The following ADGRL2 variants were observed in gnomAD, a reference collection of about 807,000 sequenced individuals.
ADGRL2 encodes adhesion G protein-coupled receptor L2.
A neutral mutation model predicts 157.4 loss-of-function variants in ADGRL2; 44 were observed. The ratio of observed to expected loss-of-function variants is 0.28; its 90% CI spans 0.22 to 0.36. The LOEUF is 0.36. ADGRL2 is among the 10% of genes least tolerant of loss of function. ADGRL2 has a pLI of 1.00. For synonymous variants in ADGRL2, 585 were observed against 624.7 expected (o/e 0.94, Z 0.95); for missense variants, 1,510 against 1,768.9 (o/e 0.85, Z 2.63).
At chr1:81,391,512 A>G (rs1385529680) in intron 1 of ADGRL2, among the ~76,000 whole-genome samples, 2 of 152,392 alleles carry the variant, frequency 1.3e-5, no homozygotes, top group African/African-American at 2.4e-5. Context: ...TTTTCCAATC[A>G]TTTCCTATCT....
chr1:81,736,408 C>T (rs954490781), intron 1 of ADGRL2, among the ~76,000 whole-genome samples: 3 of 152,156 alleles, frequency 2.0e-5, no homozygotes, highest in Non-Finnish European at 4.4e-5. Context: ...GTATCTTTCT[C>T]TTCTAACCAT....
intron 2 of ADGRL2, among the ~76,000 whole-genome samples, chr1:81,790,660 C>T (rs1382515284): frequency 6.6e-6 from 1 of 152,150 alleles, no homozygotes; most frequent in Admixed American, 6.6e-5. Context: ...TTATAGGAAT[C>T]TAACTCTCAT....
chr1:81,415,305 C>T (rs547148971), intron 1 of ADGRL2, among the ~76,000 whole-genome samples: 2 of 152,308 alleles, frequency 1.3e-5, no homozygotes, highest in South Asian at 4.1e-4. Context: ...GCCAAATACC[C>T]TTATCTACTC....
intron 3 of ADGRL2, among the ~76,000 whole-genome samples, chr1:81,630,182 C>T (rs2081986399): frequency 6.6e-6 from 1 of 151,872 alleles, no homozygotes; most frequent in African/African-American, 2.4e-5. Flanking sequence ...CAGGGGACAC[C>T]TGTAAGGCAG....
chr1:81,343,299 A>G (rs1022895516), intron 1 of ADGRL2, among the ~76,000 whole-genome samples: 6 of 151,908 alleles, frequency 3.9e-5, no homozygotes, highest in Non-Finnish European at 8.8e-5. Flanking sequence ...CATGTTGGCA[A>G]GACTGGTCTT....
intron 16 of ADGRL2, 22 bp from the exon 17 acceptor site, chr1:81,971,830 T>C (rs751653706): frequency 6.9e-7 from 1 of 1,444,688 alleles, no homozygotes. Context: ...TACTAATGCA[T>C]ATTCTTCTCT....
intron 2 of ADGRL2, among the ~76,000 whole-genome samples, chr1:81,529,948 G>A (rs2079558842): frequency 6.6e-6 from 1 of 152,194 alleles, no homozygotes; most frequent in Admixed American, 6.5e-5. Context: ...TTTTAGGGCA[G>A]GAGGAAGAGA....
At chr1:81,840,532 A>G (rs1270637720) in intron 2 of ADGRL2, among the ~76,000 whole-genome samples, 3 of 152,164 alleles carry the variant, frequency 2.0e-5, no homozygotes, top group Non-Finnish European at 4.4e-5. Flanking sequence ...GGGGCAAATC[A>G]CTAAGCATTT....
chr1:81,412,113 A>T (rs2076955925), intron 1 of ADGRL2, among the ~76,000 whole-genome samples: 3 of 152,168 alleles, frequency 2.0e-5, no homozygotes, highest in Admixed American at 2.0e-4. Flanking sequence ...ACTATAAGAT[A>T]TACAGTTACT....
At chr1:81,689,960 C>G (rs955648350) in intron 3 of ADGRL2, among the ~76,000 whole-genome samples, 1 of 152,192 alleles carries the variant, frequency 6.6e-6, no homozygotes, top group African/African-American at 2.4e-5. Context: ...GGAACTCAGA[C>G]TCTGTTACTA....
chr1:81,597,009 A>G (rs981491236), intron 3 of ADGRL2, among the ~76,000 whole-genome samples: 7 of 152,212 alleles, frequency 4.6e-5, no homozygotes, highest in African/African-American at 1.7e-4. Context: ...ATTCTACCAA[A>G]TAAGTATTTA....
At chr1:81,567,422 T>A (rs142523972) in intron 2 of ADGRL2, among the ~76,000 whole-genome samples, 7 of 152,218 alleles carry the variant, frequency 4.6e-5, no homozygotes, top group Non-Finnish European at 8.8e-5. Flanking sequence ...CCCATTTGTG[T>A]GTCCCTATGT....
chr1:81,918,503 A>T (rs1322310728), intron 3 of ADGRL2, among the ~76,000 whole-genome samples: 1 of 152,146 alleles, frequency 6.6e-6, no homozygotes, highest in Non-Finnish European at 1.5e-5. Flanking sequence ...GCACATGACA[A>T]GGGTAGTACT....
chr1:81,894,145 G>A (rs2094331076), intron 2 of ADGRL2, among the ~76,000 whole-genome samples: 1 of 152,120 alleles, frequency 6.6e-6, no homozygotes, highest in African/African-American at 2.4e-5. Flanking sequence ...TCTCCAACTT[G>A]TATTGTTAGT....
In ADGRL2 at chr1:81,739,190, C is replaced by T. The variant is rs952462302; in HGVS notation, c.-142-22621C>T. Among the ~76,000 whole-genome samples, 9 of 152,200 alleles carry T rather than the reference C, an allele frequency of 5.9e-5. No individual in the cohort carries two copies. The East Asian group carries it at 9.6e-4, about 16-fold the overall frequency. On this transcript the variant is annotated intron_variant, in intron 1 of 20. Transcript: ENST00000359929. Reference sequence around the variant, plus strand: ...AATTAAGTCAGTTATCCTAGGACAACTTTAGTTGCTAAGATGCAGTCTCTG... The same window carrying T: ...AATTAAGTCAGTTATCCTAGGACAATTTTAGTTGCTAAGATGCAGTCTCTG...
intron 2 of ADGRL2, among the ~76,000 whole-genome samples, chr1:81,887,723 T>G (rs1341162393): frequency 6.6e-6 from 1 of 152,162 alleles, no homozygotes; most frequent in Non-Finnish European, 1.5e-5. Context: ...CAGATGCATT[T>G]TGGGAGAAAA....
chr1:81,325,519 C>T (rs564598567), intron 1 of ADGRL2, among the ~76,000 whole-genome samples: 22 of 152,124 alleles, frequency 1.4e-4, no homozygotes, highest in Non-Finnish European at 3.2e-4. Flanking sequence ...ACCTTTCTAC[C>T]AGAAGGGCAA....
chr1:81,432,162 G>A (rs1192316351), intron 1 of ADGRL2, among the ~76,000 whole-genome samples: 1 of 152,188 alleles, frequency 6.6e-6, no homozygotes. Context: ...AAATTCCTCT[G>A]GGAAACATAT....
intron 18 of ADGRL2, 113 bp from the exon 19 acceptor site, chr1:81,981,695 A>C: frequency 1.2e-6 from 1 of 832,310 alleles, no homozygotes; most frequent in Admixed American, 2.3e-5. Flanking sequence ...GCTGTTGAAT[A>C]TGAATGTGAA....
Sources: gnomAD v4.1 joint callset for allele counts (sites outside exome capture counted in the v4.1 genomes callset) on GRCh38, gnomAD v4.1.1 for gene constraint, MANE v1.5 for transcripts, NCBI Gene and HGNC (gene_info 2026-07-23, HGNC 2026-07-21) for gene names.